RPS6KL1: variants seen among roughly 807,000 people sequenced by gnomAD.
RPS6KL1 encodes ribosomal protein S6 kinase-like 1.
Under a neutral mutation model 57.0 loss-of-function variants are expected in RPS6KL1, and 41 were observed. That is an observed-to-expected ratio of 0.72 (90% confidence interval 0.56 to 0.93). The LOEUF (loss-of-function observed/expected upper bound fraction) is 0.93, where lower values mean the gene tolerates loss of function less well. Among genes scored for constraint, RPS6KL1 ranks in the 40% least tolerant of loss-of-function variants. RPS6KL1 has a pLI of 0.00. For synonymous variants in RPS6KL1, 287 were observed against 309.7 expected (o/e 0.93, Z 0.77); for missense variants, 697 against 727.7 (o/e 0.96, Z 0.49).
At position 74,922,364 on chromosome 14, in the gene RPS6KL1, G is replaced by A. The variant is rs2140371405; in HGVS notation, c.-407C>T. The A allele has an allele frequency of 1.0e-6, 1 of 985,812 alleles. No individual in the cohort carries two copies. Among genetic ancestry groups the A allele is most frequent in the East Asian group, 1.1e-4 (1 of 8,826 alleles). 61.1% of individuals were successfully genotyped at this position (985,812 alleles called of 1,614,324 possible). ...ACCCTTTGGGGTTTAGCACTTCTCC[G>A]TGGACCGGATGGATTGCCCCTGCTG... On this transcript the variant is annotated 5_prime_UTR_variant, in exon 2 of 12. The change creates a new upstream start codon in the 5' untranslated region. Transcript: ENST00000557413.
Position 74,922,413 on chromosome 14 carries a change from G to A in RPS6KL1, c.-456C>T. ...TGTGTTTTGTTCCCTTGGTCCTGAG[G>A]TCAGTGTGGTCAGCGAGTGAGGACC... On this transcript the variant is annotated 5_prime_UTR_variant, in exon 2 of 12. Transcript: ENST00000557413. 1.1e-6 allele frequency: 1 copy of A among 920,582 alleles called. No individual in the cohort carries two copies. Among genetic ancestry groups the A allele is most frequent in the Non-Finnish European group, 1.3e-6 (1 of 770,342 alleles). 57.0% of individuals were successfully genotyped at this position (920,582 alleles called of 1,614,324 possible). A position where few individuals can be genotyped will look rare whatever the true frequency, so the allele number is the denominator to read the frequency against.
intron 5 of RPS6KL1, 134 bp from the exon 6 acceptor site, chr14:74,911,975 G>T (rs1886083688): frequency 7.2e-6 from 5 of 697,756 alleles, no homozygotes; most frequent in Non-Finnish European, 1.3e-5. Flanking sequence ...GGCGGGCTTT[G>T]GTGGCACTCC....
intron 5 of RPS6KL1, among the ~76,000 whole-genome samples, chr14:74,913,830 G>A (rs1008453478): frequency 1.3e-5 from 2 of 152,238 alleles, no homozygotes; most frequent in African/African-American, 4.8e-5. Flanking sequence ...TCATCCGAGG[G>A]GAAGCCCACC....
At chr14:74,914,793 A>C (rs1313276434) in intron 5 of RPS6KL1, among the ~76,000 whole-genome samples, 1 of 152,128 alleles carries the variant, frequency 6.6e-6, no homozygotes, top group East Asian at 1.9e-4. Context: ...GCTCACTGCA[A>C]TCTCTGCCTC....
At chr14:74,909,043 A>T in intron 9 of RPS6KL1, 58 bp downstream of exon 9, 1 of 1,589,750 alleles carries the variant, frequency 6.3e-7, no homozygotes. Flanking sequence ...GACTCTGGGC[A>T]CAACCCACAC....
chr14:74,921,055 CAAAT>C (rs915988635), intron 3 of RPS6KL1, among the ~76,000 whole-genome samples: 3 of 152,248 alleles, frequency 2.0e-5, no homozygotes, highest in Non-Finnish European at 4.4e-5. Context: ...CTGTGACACT[CAAAT>C]GAATGAATCT....
In RPS6KL1 at chr14:74,905,632, C is replaced by T. The variant is rs1342753096; in HGVS notation, c.*1382G>A. 4 of 152,284 alleles carry T rather than the reference C, an allele frequency of 2.6e-5. No homozygotes were observed. Among genetic ancestry groups the T allele is most frequent in the Non-Finnish European group, 4.4e-5 (3 of 68,104 alleles). 9.4% of individuals were successfully genotyped at this position (152,284 alleles called of 1,614,324 possible). A position where few individuals can be genotyped will look rare whatever the true frequency, so the allele number is the denominator to read the frequency against. ...AGCCGTGGTCATTGCATGGAAGAAGCGAGAACACCGTAGGCCAGAGCAGGC... is the reference window on the plus strand; with the variant it reads ...AGCCGTGGTCATTGCATGGAAGAAGTGAGAACACCGTAGGCCAGAGCAGGC... On this transcript the variant is annotated 3_prime_UTR_variant, in exon 12 of 12. Coordinates refer to ENST00000557413, the MANE Select transcript of RPS6KL1 (RefSeq NM_031464.5).
chr14:74,918,699 T>G (rs890169879), intron 4 of RPS6KL1, 94 bp from the exon 5 acceptor site: 39 of 934,042 alleles, frequency 4.2e-5, no homozygotes, highest in Non-Finnish European at 6.3e-5. Flanking sequence ...GGCTTCTGGA[T>G]GCAAGGAGAA....
At chr14:74,911,465 G>T in intron 6 of RPS6KL1, 85 bp from the exon 7 acceptor site, 2 of 1,487,532 alleles carry the variant, frequency 1.3e-6, no homozygotes, top group Admixed American at 1.8e-5. Context: ...GGCTTCAGGG[G>T]CACCCGAATG....
intron 2 of RPS6KL1, 94 bp from the exon 3 acceptor site, chr14:74,921,655 A>G (rs1887868590): frequency 6.7e-7 from 1 of 1,481,506 alleles, no homozygotes; most frequent in Non-Finnish European, 8.9e-7. Flanking sequence ...GGAGACTCAT[A>G]TTCACCTCCA....
chr14:74,921,238 T>TGG, intron 3 of RPS6KL1, 39 bp downstream of exon 3: 11 of 840,162 alleles, frequency 1.3e-5, no homozygotes, highest in Non-Finnish European at 2.0e-5. Context: ...CACTGGCCCT[T>TGG]CCCCACCCAC....
At chr14:74,913,260 A>G (rs1886318008) in intron 5 of RPS6KL1, among the ~76,000 whole-genome samples, 1 of 152,226 alleles carries the variant, frequency 6.6e-6, no homozygotes, top group South Asian at 2.1e-4. Flanking sequence ...AGCCATTCTG[A>G]AAGCCCTTGG....
At position 74,919,845 on chromosome 14, in the gene RPS6KL1, C is replaced by A; in HGVS notation, c.390G>T (p.Ala130=). 1 of 1,612,184 alleles carries A rather than the reference C, an allele frequency of 6.2e-7. No individual in the cohort carries two copies. The highest frequency in any genetic ancestry group is 1.1e-5 in the South Asian group (1 of 91,002). ...RPLSSGASPS[A]GFSSLRLRPI... Reference sequence around the variant, plus strand: ...CTTTGGGTGGGGGGGGTCTCCTCACCGCGCTGGGGCTGGCTCCACTGCTCA... The same window carrying A: ...CTTTGGGTGGGGGGGGTCTCCTCACAGCGCTGGGGCTGGCTCCACTGCTCA... The change falls in exon 4 of 12, where the codon GCG becomes GCT. Residue 130 remains alanine, a splice_region_variant and synonymous_variant. Coordinates refer to ENST00000557413, the MANE Select transcript of RPS6KL1 (RefSeq NM_031464.5).
At chr14:74,918,644 C>A in intron 4 of RPS6KL1, 39 bp from the exon 5 acceptor site, 2 of 1,476,412 alleles carry the variant, frequency 1.4e-6, no homozygotes, top group South Asian at 2.5e-5. Context: ...AGCCTCAGGG[C>A]CGAGCCCTCC....
intron 7 of RPS6KL1, 63 bp from the exon 8 acceptor site, chr14:74,910,211 G>C: frequency 6.8e-7 from 1 of 1,479,360 alleles, no homozygotes; most frequent in South Asian, 1.4e-5. Flanking sequence ...GGATGCCAGG[G>C]CCGGCTCCCA....
chr14:74,917,953 C>A (rs1887127549), intron 5 of RPS6KL1, among the ~76,000 whole-genome samples: 1 of 152,090 alleles, frequency 6.6e-6, no homozygotes, highest in African/African-American at 2.4e-5. Flanking sequence ...TGGGAGTGAG[C>A]AGGGCCTCGA....
rs971533129 is a variant in RPS6KL1, at chr14:74,904,429, C to G, written c.*2585G>C. 2.0e-5 allele frequency: 3 copies of G among 152,204 alleles called. No individual in the cohort carries two copies. Among genetic ancestry groups the G allele is most frequent in the African/African-American group, 7.2e-5 (3 of 41,444 alleles). 9.4% of individuals were successfully genotyped at this position (152,204 alleles called of 1,614,324 possible). A position where few individuals can be genotyped will look rare whatever the true frequency, so the allele number is the denominator to read the frequency against. ...AGTATAATGAGGAATGGCTGGCTCC[C>G]TCTTCCCACCATGGCCCGAACTAGC... is the stretch of plus-strand genomic sequence containing the variant. On this transcript the variant is annotated 3_prime_UTR_variant, in exon 12 of 12. Transcript: ENST00000557413.
intron 3 of RPS6KL1, among the ~76,000 whole-genome samples, 154 bp downstream of exon 3, chr14:74,921,123 A>AGCTATCATTGTCTTTTATGG (rs1887755599): frequency 6.6e-6 from 1 of 152,252 alleles, no homozygotes; most frequent in Non-Finnish European, 1.5e-5. Context: ...AATAAGTGCC[A>AGCTATCATTGTCTTTTATGG]GCTATCATTG....
rs180847155 is a variant in RPS6KL1, at chr14:74,918,147, A to G, written c.483+366T>C. ...ATTTTATTTGAGATGGGGTCTTGCT[A>G]TGTTGCCCTGGTTGGCCTCTAACTC... On this transcript the variant is annotated intron_variant, in intron 5 of 11. Transcript: ENST00000557413. 2.1e-3 allele frequency among the ~76,000 whole-genome samples: 317 copies of G among 151,104 alleles called. 1 individual carries two copies. Among genetic ancestry groups the G allele is most frequent in the African/African-American group, 7.2e-3 (296 of 41,008 alleles).
Sources: allele counts gnomAD v4.1 joint callset (sites outside exome capture counted in the v4.1 genomes callset), GRCh38; gene constraint gnomAD v4.1.1; transcripts MANE v1.5; gene names NCBI Gene and HGNC (gene_info 2026-07-23, HGNC 2026-07-21).